The following CCDC102B variants were observed in gnomAD, a reference collection of about 807,000 sequenced individuals.
CCDC102B encodes the protein coiled-coil domain containing 102B.
In CCDC102B, 75 loss-of-function variants were observed where a neutral mutation model predicts 57.4. The observed-to-expected ratio is 1.31, with a 90% CI of 1.08 to 1.58. CCDC102B has a LOEUF of 1.58. Among genes scored for constraint, CCDC102B ranks in the 40% most tolerant of loss-of-function variants. CCDC102B has a pLI of 0.00. For synonymous variants in CCDC102B, 206 were observed against 201.9 expected (o/e 1.02, Z -0.17); for missense variants, 636 against 582.6 (o/e 1.09, Z -0.94).
chr18:68,794,853 G>T (rs188730750), upstream of CCDC102B, among the ~76,000 whole-genome samples: 122 of 152,094 alleles, frequency 8.0e-4, no homozygotes, highest in African/African-American at 2.8e-3. Context: ...CAAATAATTT[G>T]TGAGGCAGAC....
chr18:68,879,513 C>T (rs2039594481), intron 5 of CCDC102B, among the ~76,000 whole-genome samples: 1 of 151,930 alleles, frequency 6.6e-6, no homozygotes, highest in Admixed American at 6.5e-5. Context: ...CTGAGCTAGA[C>T]AGAAAGGTTC....
At chr18:68,868,826 G>T (rs2039116150) in intron 4 of CCDC102B, among the ~76,000 whole-genome samples, 2 of 152,196 alleles carry the variant, frequency 1.3e-5, no homozygotes, top group African/African-American at 4.8e-5. Context: ...GTGAAGAAGA[G>T]ATTTGGGGGG....
intron 4 of CCDC102B, among the ~76,000 whole-genome samples, chr18:68,859,638 G>A (rs11504821): frequency 0.041 from 1,892 of 45,940 alleles, 285 homozygotes; most frequent in East Asian, 0.072. Context: ...AAAAGTGGGC[G>A]AAGGATATGA....
intron 6 of CCDC102B, among the ~76,000 whole-genome samples, chr18:68,976,765 G>A (rs2050448997): frequency 6.6e-6 from 1 of 151,836 alleles, no homozygotes; most frequent in Non-Finnish European, 1.5e-5. Flanking sequence ...TGAATGCATA[G>A]AATTAGGATT....
intron 6 of CCDC102B, among the ~76,000 whole-genome samples, chr18:68,941,270 AAAAACCCATGTATTT>A (rs1473332188): frequency 6.6e-6 from 1 of 151,894 alleles, no homozygotes; most frequent in African/African-American, 2.4e-5. Context: ...AAAATAAAAA[AAAAACCCATGTATTT>A]TAGTCAGATA....
intron 2 of CCDC102B, among the ~76,000 whole-genome samples, chr18:68,722,705 A>T (rs892746890): frequency 6.6e-6 from 1 of 152,186 alleles, no homozygotes; most frequent in Non-Finnish European, 1.5e-5. Context: ...CAGATCTTTG[A>T]TGAAATTTTT....
rs79220668 is a variant in CCDC102B, at chr18:68,740,594, A to G, written c.-67+24000A>G. Among the ~76,000 whole-genome samples the G allele has an allele frequency of 4.7e-3, 717 of 152,278 alleles. 4 individuals carry two copies. Among genetic ancestry groups the G allele is most frequent in the African/African-American group, 0.017 (688 of 41,550 alleles). On this transcript the variant is annotated intron_variant, in intron 2 of 3. Coordinates refer to the CCDC102B transcript ENST00000578970. ...CAAACACTTGCTTTTAATGTGAGGA[A>G]AATCCACCAGTGCAGTGGTGAGGAG...
downstream of CCDC102B, among the ~76,000 whole-genome samples, chr18:69,056,068 G>A (rs998118388): frequency 7.9e-5 from 12 of 151,986 alleles, no homozygotes; most frequent in African/African-American, 1.9e-4. Flanking sequence ...TTCATAACAC[G>A]TATGTAATGG....
chr18:68,982,955 A>G (rs757228773), intron 6 of CCDC102B, among the ~76,000 whole-genome samples: 2 of 151,930 alleles, frequency 1.3e-5, no homozygotes, highest in Non-Finnish European at 2.9e-5. Flanking sequence ...AGAAAATTTT[A>G]TATGTATTCA....
chr18:68,850,182 G>A (rs1299527221), intron 4 of CCDC102B, among the ~76,000 whole-genome samples: 9 of 152,026 alleles, frequency 5.9e-5, no homozygotes, highest in Non-Finnish European at 1.0e-4. Context: ...ATGTTACATC[G>A]TATAGCCATA....
chr18:68,771,174 G>T (rs1224202789), intron 2 of CCDC102B, among the ~76,000 whole-genome samples: 1 of 152,184 alleles, frequency 6.6e-6, no homozygotes, highest in Non-Finnish European at 1.5e-5. Flanking sequence ...GCTGCATGGT[G>T]GTGTTTAGGT....
intron 4 of CCDC102B, among the ~76,000 whole-genome samples, chr18:68,868,477 C>A (rs937663795): frequency 6.6e-6 from 1 of 152,148 alleles, no homozygotes; most frequent in African/African-American, 2.4e-5. Flanking sequence ...TGTGGCTTAT[C>A]TGCCCATTTG....
intron 1 of CCDC102B, among the ~76,000 whole-genome samples, chr18:68,806,373 T>C (rs2036034454): frequency 1.3e-5 from 2 of 152,294 alleles, no homozygotes; most frequent in South Asian, 2.1e-4. Context: ...TGTGGCCATG[T>C]GGAAGAGAAT....
chr18:68,808,706 C>G (rs1163890976), intron 1 of CCDC102B, among the ~76,000 whole-genome samples: 1 of 152,066 alleles, frequency 6.6e-6, no homozygotes, highest in Non-Finnish European at 1.5e-5. Flanking sequence ...TCTCGATCTC[C>G]TGACCTCTTG....
intron 6 of CCDC102B, among the ~76,000 whole-genome samples, chr18:69,004,168 G>A (rs1568118199): frequency 1.3e-5 from 2 of 152,104 alleles, no homozygotes; most frequent in South Asian, 2.1e-4. Flanking sequence ...ATATTCTAAA[G>A]TGACAGCCAG....
intron 6 of CCDC102B, among the ~76,000 whole-genome samples, chr18:68,948,658 A>G (rs911607592): frequency 3.7e-4 from 56 of 151,240 alleles, no homozygotes; most frequent in African/African-American, 1.3e-3. Context: ...AACTTCTTCA[A>G]CTCCTCGGAA....
chr18:68,715,241 C>A, exon 1 of CCDC102B: 2 of 1,341,992 alleles, frequency 1.5e-6, no homozygotes, highest in South Asian at 3.3e-5. Context: ...TCTCGGTGCC[C>A]CCCTCCACGC....
intron 4 of CCDC102B, among the ~76,000 whole-genome samples, chr18:68,851,130 G>T (rs2038103501): frequency 1.3e-5 from 2 of 152,120 alleles, no homozygotes; most frequent in African/African-American, 2.4e-5. Context: ...AATATTAAAT[G>T]AATGAAGCAC....
At chr18:68,934,770 GATGTTTATGTAAAGCTTTAA>G (rs2041788478) in intron 6 of CCDC102B, among the ~76,000 whole-genome samples, 1 of 151,700 alleles carries the variant, frequency 6.6e-6, no homozygotes, top group Non-Finnish European at 1.5e-5. Flanking sequence ...TTATGATTGT[GATGTTTATGTAAAGCTTTAA>G]ATGTCTCTCA....
Sources: allele counts gnomAD v4.1 joint callset (sites outside exome capture counted in the v4.1 genomes callset), GRCh38; gene constraint gnomAD v4.1.1; transcripts MANE v1.5; gene names NCBI Gene and HGNC (gene_info 2026-07-23, HGNC 2026-07-21).